Variants in MRPS5 observed in about 807,000 individuals in gnomAD.
MRPS5 encodes the protein mitochondrial ribosomal protein S5, also known as small ribosomal subunit protein uS5m.
In MRPS5, 27 loss-of-function variants were observed where a neutral mutation model predicts 51.9. That is an observed-to-expected ratio of 0.52 (90% confidence interval 0.38 to 0.72). The LOEUF (loss-of-function observed/expected upper bound fraction) is 0.72, where lower values mean the gene tolerates loss of function less well. Ranked by LOEUF, MRPS5 falls within the 30% of genes least tolerant of loss-of-function variation. The pLI is 0.00. For synonymous variants in MRPS5, 196 were observed against 193.2 expected (o/e 1.01, Z -0.12); for missense variants, 570 against 545.7 (o/e 1.04, Z -0.44).
chr2:95,118,865 C>T (rs1676363133), intron 1 of MRPS5, among the ~76,000 whole-genome samples: 1 of 152,148 alleles, frequency 6.6e-6, no homozygotes, highest in Non-Finnish European at 1.5e-5. Flanking sequence ...GCACCAAAGA[C>T]TTATAGGTAA....
At chr2:95,100,389 A>G in intron 10 of MRPS5, 85 bp downstream of exon 10, 2 of 1,015,704 alleles carry the variant, frequency 2.0e-6, no homozygotes, top group Admixed American at 4.5e-5. Flanking sequence ...AGTTCAACTA[A>G]AGATGAACAA....
intron 3 of MRPS5, among the ~76,000 whole-genome samples, chr2:95,114,120 CAAAAAAAA>C (rs1002543941): frequency 2.3e-5 from 1 of 43,022 alleles, no homozygotes; most frequent in Non-Finnish European, 3.9e-5. Context: ...CTCCATCTCC[CAAAAAAAA>C]AAAAAAAAAA....
intron 1 of MRPS5, among the ~76,000 whole-genome samples, chr2:95,120,627 T>C (rs1676414781): frequency 6.6e-6 from 1 of 152,228 alleles, no homozygotes; most frequent in African/African-American, 2.4e-5. Flanking sequence ...AAAACAGGCT[T>C]CGGAGCCAGG....
rs1197342793 is a variant in MRPS5, at chr2:95,120,539, C to A, written c.58+1195G>T. On this transcript the variant is annotated intron_variant, in intron 1 of 11. Transcript: ENST00000272418. ...TGCTCTGGTGATATACTAAAAACCA[C>A]TGAAATGTACACTTTAAACGGATTA... is the stretch of plus-strand genomic sequence containing the variant. Among the ~76,000 whole-genome samples the A allele has an allele frequency of 7.9e-5, 12 of 152,280 alleles. No homozygotes were observed. The East Asian group carries it at 2.3e-3, about 29-fold the overall frequency.
At chr2:95,108,753 A>G (rs1196553952) in intron 4 of MRPS5, among the ~76,000 whole-genome samples, 1 of 152,232 alleles carries the variant, frequency 6.6e-6, no homozygotes, top group Non-Finnish European at 1.5e-5. Flanking sequence ...AACACTCTGC[A>G]CTAAATCAAA....
chr2:95,114,120 CAAAA>C (rs1002543941), intron 3 of MRPS5, among the ~76,000 whole-genome samples: 5 of 43,040 alleles, frequency 1.2e-4, no homozygotes, highest in Non-Finnish European at 2.0e-4. Context: ...CTCCATCTCC[CAAAA>C]AAAAAAAAAA....
At chr2:95,103,877 T>C (rs1675872403) in intron 7 of MRPS5, 3 of 152,172 alleles carry the variant, frequency 2.0e-5, no homozygotes, top group African/African-American at 4.8e-5. Flanking sequence ...TGTATGATAA[T>C]AATATGAACA....
intron 4 of MRPS5, among the ~76,000 whole-genome samples, chr2:95,108,738 T>C (rs952834876): frequency 3.3e-4 from 50 of 152,164 alleles, no homozygotes; most frequent in African/African-American, 1.2e-3. Flanking sequence ...GTCTCCAGCA[T>C]AGGAAACACT....
chr2:95,106,366 C>A lies in MRPS5; in HGVS notation c.672+57G>T. On this transcript the variant is annotated intron_variant, in intron 6 of 11. Transcript: ENST00000272418. ...ACAGTTCCTCTTGCCCTGTCCCTGC[C>A]CCACCCACCCCAACCTCTCCAAAGG... 4.1e-6 allele frequency: 4 copies of A among 984,742 alleles called. No homozygotes were observed. In the South Asian group the frequency reaches 5.1e-5, roughly 13 times the overall value. 61.0% of individuals were successfully genotyped at this position (984,742 alleles called of 1,614,324 possible).
In MRPS5 at chr2:95,090,496, T is replaced by C. The variant is rs767420134; in HGVS notation, c.958A>G (p.Ile320Val). ...CCAATGAGCCGGCAGATGGTGATGA[T>C]GGCCCTGTGGCAGCGGAGGCCGTAA... The part of the protein sequence containing the change: ...KGYGLRCHRA[I>V]ITICRLIGIK... Residue 320 changes from isoleucine (I) to valine (V), a missense_variant, in exon 11 of 12, where the codon ATC becomes GTC. By Grantham distance (29) the Ile-to-Val change is conservative. Coordinates refer to ENST00000272418, the MANE Select transcript of MRPS5 (RefSeq NM_031902.5). 6.2e-7 allele frequency: 1 copy of C among 1,614,106 alleles called. No individual in the cohort carries two copies. The highest frequency in any genetic ancestry group is 1.1e-5 in the South Asian group (1 of 91,084).
intron 5 of MRPS5, 147 bp from the exon 6 acceptor site, chr2:95,106,604 C>G (rs751358252): frequency 4.6e-5 from 31 of 679,032 alleles, no homozygotes; most frequent in Non-Finnish European, 7.9e-5. Flanking sequence ...ATGCCCCAGT[C>G]ACCCCTCATC....
At position 95,108,882 on chromosome 2, in the gene MRPS5, AAAG is replaced by A. The variant is rs556688227; in HGVS notation, c.404-477_404-475del. Reference sequence around the variant, plus strand: ...TGATATAATCTAAATTTTTTTTAAAAAAGAAGATATCTATTTCTTTTTAGCTAT... The same window carrying A: ...TGATATAATCTAAATTTTTTTTAAAAAAGATATCTATTTCTTTTTAGCTAT... On this transcript the variant is annotated intron_variant, in intron 4 of 11. Coordinates refer to ENST00000272418, the MANE Select transcript of MRPS5 (RefSeq NM_031902.5). Among the ~76,000 whole-genome samples the A allele has an allele frequency of 6.8e-3, 1,039 of 152,274 alleles. 12 individuals carry two copies. The highest frequency in any genetic ancestry group is 0.023 in the African/African-American group (971 of 41,564).
intron 10 of MRPS5, among the ~76,000 whole-genome samples, chr2:95,094,359 A>G (rs928959466): frequency 4.6e-5 from 7 of 152,218 alleles, no homozygotes; most frequent in Non-Finnish European, 8.8e-5. Context: ...GCAGGCAAAC[A>G]TTTAAATTCA....
At chr2:95,103,109 A>G (rs974734752) in intron 7 of MRPS5, among the ~76,000 whole-genome samples, 1 of 152,214 alleles carries the variant, frequency 6.6e-6, no homozygotes, top group African/African-American at 2.4e-5. Context: ...CCGAAGTGAT[A>G]ACTAATATTT....
At chr2:95,094,669 C>T (rs1356966781) in intron 10 of MRPS5, among the ~76,000 whole-genome samples, 1 of 152,160 alleles carries the variant, frequency 6.6e-6, no homozygotes, top group East Asian at 1.9e-4. Context: ...CCTTTACACA[C>T]AAGCAAATAC....
intron 6 of MRPS5, among the ~76,000 whole-genome samples, chr2:95,105,056 G>C (rs1358026482): frequency 3.3e-5 from 5 of 152,148 alleles, no homozygotes; most frequent in Non-Finnish European, 7.3e-5. Context: ...AAAAGTTGCT[G>C]ATCAAACTTT....
rs1676064449 is a variant in MRPS5, at chr2:95,109,833, A to C, written c.403+83T>G. 15 of 1,466,760 alleles carry C rather than the reference A, an allele frequency of 1.0e-5. 1 individual carries two copies. The South Asian group carries it at 2.0e-4, about 20-fold the overall frequency. 90.9% of individuals were successfully genotyped at this position (1,466,760 alleles called of 1,614,324 possible). On this transcript the variant is annotated intron_variant, in intron 4 of 11. Transcript: ENST00000272418. ...AGTGCCCTTCATAAGAAATGTTTTG[A>C]TGCTTCTAGTTTGTAAAATATCTAT...
At chr2:95,109,336 G>A (rs868775826) in intron 4 of MRPS5, among the ~76,000 whole-genome samples, 9 of 152,160 alleles carry the variant, frequency 5.9e-5, no homozygotes, top group African/African-American at 2.2e-4. Flanking sequence ...AGTACAAGAC[G>A]GGCTGATTGA....
At position 95,100,628 on chromosome 2, in the gene MRPS5, C is replaced by T. The variant is rs193066629; in HGVS notation, c.869-92G>A. 7 of 1,010,718 alleles carry T rather than the reference C, an allele frequency of 6.9e-6. No individual in the cohort carries two copies. The Admixed American group carries it at 1.6e-4, about 22-fold the overall frequency. The allele number at this position is 1,010,718 out of a possible 1,614,324, so 62.6% of individuals were successfully genotyped here. ...ACAAAGCAATGTATACTAGCCTCAA[C>T]AGCCAGCACATATTGACCAAAGATA... On this transcript the variant is annotated intron_variant, in intron 9 of 11. Coordinates refer to ENST00000272418, the MANE Select transcript of MRPS5 (RefSeq NM_031902.5).
Sources: gnomAD v4.1 joint callset for allele counts (sites outside exome capture counted in the v4.1 genomes callset) on GRCh38, gnomAD v4.1.1 for gene constraint, MANE v1.5 for transcripts, NCBI Gene and HGNC (gene_info 2026-07-23, HGNC 2026-07-21) for gene names.